Variants in CFH observed in about 807,000 individuals in gnomAD.
CFH encodes complement factor H, also known as H factor 1 (complement).
CFH carries 53 observed loss-of-function variants against 147.3 expected under a neutral mutation model. The observed-to-expected ratio is 0.36, with a 90% CI of 0.29 to 0.45. The LOEUF is 0.45. Among genes scored for constraint, CFH ranks in the 20% least tolerant of loss-of-function variants. CFH has a pLI of 1.00. For missense variants in CFH, 1,380 were observed against 1,498.0 expected (o/e 0.92, Z 1.30); for synonymous variants, 536 against 489.4 (o/e 1.10, Z -1.26).
At chr1:196,665,174 T>A (rs1667039398) in intron 1 of CFH, among the ~76,000 whole-genome samples, 1 of 151,732 alleles carries the variant, frequency 6.6e-6, no homozygotes, top group African/African-American at 2.4e-5. Flanking sequence ...GTGCTTTTGT[T>A]ACTGCAAGAA....
At chr1:196,732,926 G>C (rs2149111173) in intron 15 of CFH, among the ~76,000 whole-genome samples, 1 of 152,170 alleles carries the variant, frequency 6.6e-6, no homozygotes, top group Non-Finnish European at 1.5e-5. Context: ...CAGGCTGCAT[G>C]CTCTGATCCT....
At chr1:196,741,032 T>A (rs935963049) in intron 18 of CFH, 3 of 502,056 alleles carry the variant, frequency 6.0e-6, no homozygotes, top group African/African-American at 5.8e-5. Context: ...ATTCTCAGAC[T>A]TCTCATCTCT....
At chr1:196,700,171 T>A (rs1668408526) in intron 9 of CFH, among the ~76,000 whole-genome samples, 1 of 152,146 alleles carries the variant, frequency 6.6e-6, no homozygotes, top group African/African-American at 2.4e-5. Context: ...GACCTCAATT[T>A]TCCAGCCACT....
intron 10 of CFH, among the ~76,000 whole-genome samples, chr1:196,714,660 TATATATATAGAG>T (rs1462400106): frequency 3.9e-4 from 17 of 43,498 alleles, no homozygotes; most frequent in African/African-American, 1.5e-3. Flanking sequence ...TATATATATA[TATATATATAGAG>T]AGAGAGAGAG....
chr1:196,712,245 T>A (rs203680), intron 9 of CFH, among the ~76,000 whole-genome samples: 2,220 of 151,852 alleles, frequency 0.015, 60 homozygotes, highest in African/African-American at 0.05. Context: ...TCTTGCCTGG[T>A]CTTTTACCTT....
intron 12 of CFH, 51 bp from the exon 13 acceptor site, chr1:196,726,419 T>A (rs753728324): frequency 1.4e-5 from 20 of 1,381,374 alleles, no homozygotes; most frequent in Non-Finnish European, 1.8e-5. Context: ...TGAATTTTTA[T>A]ATTGTAAAAC....
At chr1:196,700,701 T>C in intron 9 of CFH, 3 of 275,614 alleles carry the variant, frequency 1.1e-5, no homozygotes, top group Non-Finnish European at 1.7e-5. Flanking sequence ...CAAGCCACTC[T>C]CCTTGCAGTC....
At chr1:196,737,722 T>C in intron 17 of CFH, 62 bp downstream of exon 17, 1 of 1,390,702 alleles carries the variant, frequency 7.2e-7, no homozygotes, top group Non-Finnish European at 1.0e-6. Flanking sequence ...TAATCTCTTG[T>C]TATCAAAGTG....
intron 1 of CFH, among the ~76,000 whole-genome samples, chr1:196,672,042 G>A (rs891432838): frequency 6.6e-6 from 1 of 151,868 alleles, no homozygotes; most frequent in Non-Finnish European, 1.5e-5. Context: ...TTTTCTTATT[G>A]AGACTTTTTT....
intron 9 of CFH, 61 bp from the exon 10 acceptor site, chr1:196,713,674 A>T: frequency 9.3e-7 from 1 of 1,079,372 alleles, no homozygotes; most frequent in Non-Finnish European, 1.4e-6. Flanking sequence ...CATATTACTT[A>T]AATTCTTATA....
In CFH at chr1:196,741,911, C is replaced by T; in HGVS notation, c.2993C>T (p.Ala998Val). ...CTCAGTTTACCTAGCTTTGAAAATG[C>T]CATACCCATGGGAGAGAAGAAGGAT... The part of the protein sequence containing the change: ...DCLSLPSFEN[A>V]IPMGEKKDVY... The change falls in exon 19 of 22, where the codon GCC (alanine) becomes GTC (valine). Residue 998 changes from alanine to valine, a missense_variant. Transcript: ENST00000367429. 5 of 1,614,102 alleles carry T rather than the reference C, an allele frequency of 3.1e-6. No homozygotes were observed. The highest frequency in any genetic ancestry group is 1.1e-5 in the South Asian group (1 of 91,076).
intron 16 of CFH, 133 bp from the exon 17 acceptor site, chr1:196,737,340 AAT>A: frequency 1.5e-6 from 1 of 689,048 alleles, no homozygotes; most frequent in Admixed American, 2.5e-5. Context: ...GCGAGTTTCT[AAT>A]ATGTTTTTGT....
intron 1 of CFH, among the ~76,000 whole-genome samples, chr1:196,658,249 A>G (rs1281673259): frequency 6.6e-6 from 1 of 151,618 alleles, no homozygotes; most frequent in African/African-American, 2.4e-5. Flanking sequence ...TTTGTTTAGT[A>G]TTATTCTTAC....
intron 9 of CFH, among the ~76,000 whole-genome samples, chr1:196,694,855 G>T (rs1174330872): frequency 6.6e-6 from 1 of 152,158 alleles, no homozygotes; most frequent in African/African-American, 2.4e-5. Flanking sequence ...GGGGTTGTTT[G>T]TTTCTTTCTT....
At chr1:196,738,939 C>A (rs1458183373) in intron 17 of CFH, among the ~76,000 whole-genome samples, 1 of 152,246 alleles carries the variant, frequency 6.6e-6, no homozygotes, top group Non-Finnish European at 1.5e-5. Flanking sequence ...TTTCATATAT[C>A]CTCTGCAACC....
chr1:196,704,894 C>T (rs537046237), intron 9 of CFH, among the ~76,000 whole-genome samples: 5 of 152,168 alleles, frequency 3.3e-5, no homozygotes, highest in Non-Finnish European at 5.9e-5. Flanking sequence ...ATGACTTTAA[C>T]CAGTGAGTTG....
intron 15 of CFH, among the ~76,000 whole-genome samples, chr1:196,729,919 A>G (rs1341803775): frequency 1.3e-5 from 2 of 151,796 alleles, no homozygotes; most frequent in Non-Finnish European, 2.9e-5. Context: ...TTTTTTTGAT[A>G]TCAGTTGTAA....
At chr1:196,691,273 C>T (rs1668014300) in intron 9 of CFH, among the ~76,000 whole-genome samples, 1 of 152,006 alleles carries the variant, frequency 6.6e-6, no homozygotes, top group Admixed American at 6.6e-5. Flanking sequence ...AGTGATATGA[C>T]ATTTTTACAG....
At chr1:196,653,197 AT>A (rs766885521) in intron 1 of CFH, among the ~76,000 whole-genome samples, 3 of 151,812 alleles carry the variant, frequency 2.0e-5, no homozygotes, top group Non-Finnish European at 4.4e-5. Flanking sequence ...AATTTAAAAA[AT>A]ATTCAAATAT....
Sources: gnomAD v4.1 joint callset for allele counts (sites outside exome capture counted in the v4.1 genomes callset) on GRCh38, gnomAD v4.1.1 for gene constraint, MANE v1.5 for transcripts, NCBI Gene and HGNC (gene_info 2026-07-23, HGNC 2026-07-21) for gene names.